Variants in KCNMA1 observed in about 807,000 individuals in gnomAD.
KCNMA1 encodes the protein Calcium-activated potassium channel subunit alpha-1.
In KCNMA1, 29 loss-of-function variants were observed where a neutral mutation model predicts 140.0. That is an observed-to-expected ratio of 0.21 (90% CI 0.15 to 0.28). The LOEUF (loss-of-function observed/expected upper bound fraction) is 0.28. KCNMA1 is among the 10% of genes least tolerant of loss of function. KCNMA1 has a pLI of 1.00. For synonymous variants in KCNMA1, 612 were observed against 611.9 expected (o/e 1.00, Z 0.00); for missense variants, 880 against 1,602.2 (o/e 0.55, Z 7.70).
At chr10:77,429,601 C>T (rs2097104415) in intron 1 of KCNMA1, among the ~76,000 whole-genome samples, 1 of 152,092 alleles carries the variant, frequency 6.6e-6, no homozygotes. Context: ...GCATATTGTA[C>T]CCTCTTTTGG....
At chr10:77,556,109 T>C (rs1382706246) in intron 1 of KCNMA1, among the ~76,000 whole-genome samples, 1 of 152,210 alleles carries the variant, frequency 6.6e-6, no homozygotes, top group Admixed American at 6.5e-5. Context: ...TTTCTGCCAG[T>C]TACCATCAGA....
At chr10:77,247,554 A>C (rs543129313) in intron 3 of KCNMA1, among the ~76,000 whole-genome samples, 1 of 152,282 alleles carries the variant, frequency 6.6e-6, no homozygotes, top group African/African-American at 2.4e-5. Flanking sequence ...ATGTGGGAGG[A>C]CAGGGTTGGC....
intron 2 of KCNMA1, among the ~76,000 whole-genome samples, chr10:77,366,144 C>T (rs1563616): frequency 1.3e-4 from 5 of 38,726 alleles, no homozygotes; most frequent in East Asian, 4.3e-4. Context: ...CTCTCTCTCT[C>T]TTTCTCTTTC....
chr10:77,140,859 T>C (rs895658158), intron 5 of KCNMA1: 1 of 152,160 alleles, frequency 6.6e-6, no homozygotes, highest in Non-Finnish European at 1.5e-5. Context: ...GTAAGCTCCT[T>C]TGGACATGGT....
intron 2 of KCNMA1, among the ~76,000 whole-genome samples, chr10:77,319,933 T>C (rs1245350218): frequency 6.6e-6 from 1 of 152,246 alleles, no homozygotes. Flanking sequence ...GGGCTGTCTG[T>C]TACTGTAGCA....
chr10:77,275,444 G>A (rs1878218), intron 2 of KCNMA1, among the ~76,000 whole-genome samples: 18,100 of 152,194 alleles, frequency 0.12, 1,794 homozygotes, highest in African/African-American at 0.27. Context: ...TCACCTAGTC[G>A]TAAGCCTGTA....
At position 77,404,017 on chromosome 10, in the gene KCNMA1, G is replaced by C. The variant is rs377430922; in HGVS notation, c.385C>G (p.Gln129Glu). 3 of 1,613,908 alleles carry C rather than the reference G, an allele frequency of 1.9e-6. No individual in the cohort carries two copies. In the African/African-American group the frequency reaches 4.0e-5, roughly 22 times the overall value. ...TGGCTTGAGCCATTGTTAATCTTCT[G>C]GGCCTCCTGGCAACAGAGAGAGCAA... ...CHCGGKTKEA[Q>E]KINNGSSQAD... is the part of the protein sequence containing the mutation. Residue 129 changes from glutamine (Q) to glutamate (E), a missense_variant, in exon 2 of 28, where the codon CAG becomes GAG. Gln to Glu is a conservative substitution (Grantham distance 29). Around this residue, in one of 13 missense-constraint regions of KCNMA1, gnomAD observed 54 missense variants for 56.4 expected, o/e 0.96. Transcript: ENST00000286628.
At chr10:77,024,997 A>G (rs1465153679) in intron 16 of KCNMA1, among the ~76,000 whole-genome samples, 2 of 151,850 alleles carry the variant, frequency 1.3e-5, no homozygotes, top group Non-Finnish European at 2.9e-5. Context: ...AGTGCAATGG[A>G]CATCAAGACA....
At chr10:77,065,021 C>T (rs987398826) in intron 14 of KCNMA1, among the ~76,000 whole-genome samples, 7 of 152,190 alleles carry the variant, frequency 4.6e-5, no homozygotes, top group Admixed American at 1.3e-4. Context: ...GCACCAAAAT[C>T]ACACCAAATT....
At chr10:77,143,868 A>C (rs945155033) in intron 5 of KCNMA1, among the ~76,000 whole-genome samples, 1 of 152,234 alleles carries the variant, frequency 6.6e-6, no homozygotes, top group Non-Finnish European at 1.5e-5. Flanking sequence ...TTAAAACTAC[A>C]ACAAGATGGC....
intron 20 of KCNMA1, among the ~76,000 whole-genome samples, chr10:76,954,717 A>C (rs1228077666): frequency 6.6e-6 from 1 of 152,158 alleles, no homozygotes; most frequent in African/African-American, 2.4e-5. Context: ...TGAGAGCCTC[A>C]AGCTCAGATG....
chr10:77,636,931 G>C, intron 1 of KCNMA1: 1 of 1,419,452 alleles, frequency 7.0e-7, no homozygotes. Flanking sequence ...CGCTGAGTTG[G>C]CTGTCCCCAC....
At chr10:77,473,591 T>TC (rs1194093768) in intron 1 of KCNMA1, among the ~76,000 whole-genome samples, 1 of 152,010 alleles carries the variant, frequency 6.6e-6, no homozygotes, top group East Asian at 1.9e-4. Context: ...GGAAACAGGC[T>TC]CCCTGGCACA....
intron 2 of KCNMA1, chr10:77,350,508 G>A (rs932142625): frequency 5.3e-5 from 8 of 152,234 alleles, no homozygotes; most frequent in Admixed American, 3.3e-4. Context: ...CAGAATCTCT[G>A]AGTGGAGCAC....
intron 2 of KCNMA1, among the ~76,000 whole-genome samples, chr10:77,255,164 T>C (rs2060460728): frequency 6.6e-6 from 1 of 152,214 alleles, no homozygotes; most frequent in Non-Finnish European, 1.5e-5. Context: ...GAGTACTCGG[T>C]GTGCCAGATT....
At chr10:76,934,746 A>C (rs1268087423) in intron 23 of KCNMA1, among the ~76,000 whole-genome samples, 1 of 152,178 alleles carries the variant, frequency 6.6e-6, no homozygotes, top group Non-Finnish European at 1.5e-5. Flanking sequence ...CCATGGGATT[A>C]CAAGACTTCC....
chr10:77,621,448 T>C (rs2091337003), intron 1 of KCNMA1, among the ~76,000 whole-genome samples: 1 of 152,108 alleles, frequency 6.6e-6, no homozygotes, highest in Admixed American at 6.5e-5. Flanking sequence ...ATGATGAGAC[T>C]TCGCTGGTGG....
In KCNMA1 at chr10:76,885,786, G is replaced by A; in HGVS notation, c.*1480C>T. The A allele has an allele frequency of 1.0e-6, 1 of 984,770 alleles. No individual in the cohort carries two copies. The highest frequency in any genetic ancestry group is 1.2e-6 in the Non-Finnish European group (1 of 829,540). The allele number at this position is 984,770 out of a possible 1,614,324, so 61.0% of individuals were successfully genotyped here. A position where few individuals can be genotyped will look rare whatever the true frequency, so the allele number is the denominator to read the frequency against. On this transcript the variant is annotated 3_prime_UTR_variant, in exon 28 of 28. Coordinates refer to ENST00000286628, the MANE Select transcript of KCNMA1 (RefSeq NM_001161352.2). ...TGCACAAAGCATCTGACAACTATAT[G>A]TTGAAAAAAGGGTATTTTTCTACCT...
At chr10:77,083,130 G>C (rs776855439) in intron 12 of KCNMA1, among the ~76,000 whole-genome samples, 5 of 152,126 alleles carry the variant, frequency 3.3e-5, no homozygotes, top group Non-Finnish European at 5.9e-5. Flanking sequence ...TTCACAGTTA[G>C]GTAAAAGTTC....
Sources: allele counts gnomAD v4.1 joint callset (sites outside exome capture counted in the v4.1 genomes callset), GRCh38; gene constraint gnomAD v4.1.1; regional missense constraint gnomAD v4.1.1; transcripts MANE v1.5; gene names NCBI Gene and HGNC (gene_info 2026-07-23, HGNC 2026-07-21).